Variants in MAP3K19 observed in about 807,000 individuals in gnomAD.
The protein encoded by MAP3K19 is mitogen-activated protein kinase kinase kinase 19, also known as SPS1/STE20-related protein kinase YSK4.
In MAP3K19, 91 loss-of-function variants were observed where a neutral mutation model predicts 114.4. That is an observed-to-expected ratio of 0.80 (90% confidence interval 0.67 to 0.95). MAP3K19 has a LOEUF of 0.95. MAP3K19 is among the 40% of genes least tolerant of loss of function. The pLI is 0.00. For missense variants in MAP3K19, 1,471 were observed against 1,573.2 expected, an observed-to-expected ratio of 0.94 and a Z score of 1.10; for synonymous variants, 518 against 530.5, an observed-to-expected ratio of 0.98 and a Z score of 0.32.
chr2:135,033,007 C>A (rs1688424755), intron 2 of MAP3K19, among the ~76,000 whole-genome samples: 1 of 128,806 alleles, frequency 7.8e-6, no homozygotes, highest in African/African-American at 3.3e-5. Context: ...TCTCCCATGT[C>A]TACTTCTTTC....
At chr2:135,007,661 A>C (rs1478075776) in intron 5 of MAP3K19, among the ~76,000 whole-genome samples, 2 of 151,044 alleles carry the variant, frequency 1.3e-5, no homozygotes, top group Admixed American at 1.3e-4. Flanking sequence ...AGCGTTTTCT[A>C]TCTCCTGGCA....
intron 12 of MAP3K19, among the ~76,000 whole-genome samples, chr2:134,977,553 AG>A (rs1316724231): frequency 6.6e-6 from 1 of 151,800 alleles, no homozygotes; most frequent in Non-Finnish European, 1.5e-5. Context: ...TAGTGGAGAC[AG>A]GGTTTCACCA....
intron 8 of MAP3K19, among the ~76,000 whole-genome samples, chr2:134,997,822 A>G (rs1686124229): frequency 6.6e-6 from 1 of 151,382 alleles, no homozygotes; most frequent in Non-Finnish European, 1.5e-5. Context: ...CGTCTCAAAA[A>G]AAAAAAAACT....
At chr2:134,980,796 C>T (rs1684576529) in intron 12 of MAP3K19, 25 bp downstream of exon 12, 2 of 1,594,622 alleles carry the variant, frequency 1.3e-6, no homozygotes, top group Non-Finnish European at 8.6e-7. Context: ...CATTTATCTT[C>T]CTCCTCTTGC....
chr2:135,029,648 C>T (rs541929508), intron 3 of MAP3K19, among the ~76,000 whole-genome samples: 138 of 152,276 alleles, frequency 9.1e-4, no homozygotes, highest in African/African-American at 3.0e-3. Context: ...AAACTGTTTC[C>T]TAGCAGCAAT....
At chr2:135,005,183 A>G (rs1310557654) in intron 6 of MAP3K19, among the ~76,000 whole-genome samples, 1 of 152,186 alleles carries the variant, frequency 6.6e-6, no homozygotes, top group South Asian at 2.1e-4. Context: ...GCTCAGGGGT[A>G]CAAGTGCAGG....
intron 12 of MAP3K19, among the ~76,000 whole-genome samples, chr2:134,968,954 C>T (rs551149174): frequency 3.3e-5 from 5 of 151,938 alleles, no homozygotes; most frequent in Admixed American, 1.3e-4. Flanking sequence ...GGGTGGCGGC[C>T]GGGCAGAGGC....
chr2:134,981,353 A>G lies in MAP3K19; in HGVS notation c.3388T>C (p.Cys1130Arg), dbSNP rs770281101. Residue 1130 changes from cysteine (C) to arginine (R), a missense_variant, in exon 12 of 13, where the codon TGC (cysteine) becomes CGC (arginine). Cys to Arg is a radical substitution (Grantham distance 180). Transcript: ENST00000392915. ...ATGCTCACAGTGTTCTCTTGCAAGC[A>G]TGTCCCCAAATAGGCCACAATGTTG... ...HVNIVAYLGTCLQENTVSIFM... is the reference protein window; with the variant it reads ...HVNIVAYLGTRLQENTVSIFM... 6.2e-7 allele frequency: 1 copy of G among 1,614,224 alleles called. No homozygotes were observed. The highest frequency in any genetic ancestry group is 8.5e-7 in the Non-Finnish European group (1 of 1,180,048).
chr2:134,971,395 G>A (rs779571728), intron 12 of MAP3K19, among the ~76,000 whole-genome samples: 14 of 151,968 alleles, frequency 9.2e-5, no homozygotes, highest in Admixed American at 2.6e-4. Flanking sequence ...TGTGGTTTTC[G>A]CATCCTTGTC....
Position 134,986,588 on chromosome 2 carries a change from T to C in MAP3K19, c.2284A>G (p.Ile762Val), listed in dbSNP as rs765865914. 9 of 1,614,094 alleles carry C rather than the reference T, an allele frequency of 5.6e-6. No homozygotes were observed. Among genetic ancestry groups the C allele is most frequent in the South Asian group, 1.1e-5 (1 of 91,080 alleles). Residue 762 changes from isoleucine to valine, a missense_variant, in exon 10 of 13, where the codon ATT (isoleucine) becomes GTT (valine). Coordinates refer to ENST00000392915, the MANE Select transcript of MAP3K19 (RefSeq NM_025052.5). The part of the protein sequence containing the change: ...NLHDIENGDG[I>V]SEPDWQIKSS... ...TTTATCTGCCAGTCTGGTTCTGAAA[T>C]ACCATCACCATTTTCAATGTCATGT...
At chr2:135,044,735 G>A (rs979576410) in intron 1 of MAP3K19, among the ~76,000 whole-genome samples, 1 of 152,190 alleles carries the variant, frequency 6.6e-6, no homozygotes, top group Non-Finnish European at 1.5e-5. Context: ...ACACTGGATG[G>A]TGTCAGGCTT....
chr2:135,029,144 G>A (rs927522362), intron 3 of MAP3K19, among the ~76,000 whole-genome samples: 3 of 152,126 alleles, frequency 2.0e-5, no homozygotes, highest in Admixed American at 6.5e-5. Flanking sequence ...AGGCCGAGGC[G>A]GGCAGATCAC....
intron 12 of MAP3K19, among the ~76,000 whole-genome samples, chr2:134,967,928 A>G (rs1271530378): frequency 3.4e-4 from 52 of 151,098 alleles, no homozygotes; most frequent in Non-Finnish European, 5.9e-4. Context: ...GCAGGGTCAT[A>G]GGACAATAGT....
At position 134,987,095 on chromosome 2, in the gene MAP3K19, T is replaced by C; in HGVS notation, c.1777A>G (p.Lys593Glu). The C allele has an allele frequency of 6.2e-7, 1 of 1,613,410 alleles. No homozygotes were observed. The highest frequency in any genetic ancestry group is 8.5e-7 in the Non-Finnish European group (1 of 1,179,992). The change falls in exon 10 of 13, where the codon AAA becomes GAA. Residue 593 changes from lysine to glutamate, a missense_variant. Coordinates refer to ENST00000392915, the MANE Select transcript of MAP3K19 (RefSeq NM_025052.5). Reference protein sequence around the residue: ...RPWQLPRFQKKMPQIAKKQST... With the variant: ...RPWQLPRFQKEMPQIAKKQST... ...TGCTTCTTTGCTATCTGTGGCATTT[T>C]CTTTTGAAACCTGGGCAATTGCCAA...
Position 134,981,272 on chromosome 2 carries a change from G to A in MAP3K19, c.3469C>T (p.Pro1157Ser), listed in dbSNP as rs372912449. The A allele has an allele frequency of 2.0e-5, 32 of 1,614,054 alleles. No homozygotes were observed. Among genetic ancestry groups the A allele is most frequent in the Non-Finnish European group, 2.6e-5 (31 of 1,180,054 alleles). Residue 1157 changes from proline to serine, a missense_variant, in exon 12 of 13, where the codon CCA becomes TCA. Pro to Ser is a moderately conservative substitution (Grantham distance 74). Coordinates refer to ENST00000392915, the MANE Select transcript of MAP3K19 (RefSeq NM_025052.5). ...TTACAGAACACCATCTCAGGCAATG[G>A]CCCAAAACGGTTTATAATACTAGAG... ...SISSIINRFG[P>S]LPEMVFCKYT...
chr2:135,000,129 C>A, intron 6 of MAP3K19, 114 bp from the exon 7 acceptor site: 1 of 716,586 alleles, frequency 1.4e-6, no homozygotes, highest in Admixed American at 2.3e-5. Context: ...ACAAAATGGA[C>A]ATTAATCAGG....
chr2:135,020,003 T>C (rs1450195803), intron 5 of MAP3K19, among the ~76,000 whole-genome samples: 3 of 151,972 alleles, frequency 2.0e-5, no homozygotes, highest in Non-Finnish European at 4.4e-5. Context: ...ATGATCAGAT[T>C]AATGATCTCC....
intron 12 of MAP3K19, among the ~76,000 whole-genome samples, chr2:134,970,315 C>T (rs899452526): frequency 1.1e-4 from 17 of 152,060 alleles, no homozygotes; most frequent in Non-Finnish European, 1.0e-4. Context: ...TTGTAGAGGT[C>T]TTTCACCTCC....
At chr2:135,024,868 A>G in intron 3 of MAP3K19, 127 bp from the exon 4 acceptor site, 1 of 472,162 alleles carries the variant, frequency 2.1e-6, no homozygotes, top group Non-Finnish European at 3.7e-6. Flanking sequence ...GGGGATAATA[A>G]TAATGATTTC....
Sources: gnomAD v4.1 joint callset for allele counts (sites outside exome capture counted in the v4.1 genomes callset) on GRCh38, gnomAD v4.1.1 for gene constraint, MANE v1.5 for transcripts, NCBI Gene and HGNC (gene_info 2026-07-23, HGNC 2026-07-21) for gene names.